SPATA2L: variants seen among roughly 807,000 people sequenced by gnomAD.
SPATA2L encodes spermatogenesis-associated protein 2-like protein.
Under a neutral mutation model 8.7 loss-of-function variants are expected in SPATA2L, and 5 were observed. That is an observed-to-expected ratio of 0.57 (90% CI 0.30 to 1.21). SPATA2L has a LOEUF of 1.21. Among genes scored for constraint, SPATA2L ranks in the 50% most tolerant of loss-of-function variants. The pLI is 0.07. For missense variants in SPATA2L, 671 were observed against 591.0 expected (o/e 1.14, Z -1.40); for synonymous variants, 358 against 275.8 (o/e 1.30, Z -2.95).
intron 2 of SPATA2L, among the ~76,000 whole-genome samples, chr16:89,700,079 G>A (rs1488541732): frequency 2.0e-5 from 3 of 152,228 alleles, no homozygotes; most frequent in Non-Finnish European, 4.4e-5. Context: ...GTCTCAGGAG[G>A]AAAGGGGCTG....
intron 2 of SPATA2L, among the ~76,000 whole-genome samples, chr16:89,700,319 G>A (rs1054632379): frequency 6.6e-6 from 1 of 152,238 alleles, no homozygotes; most frequent in East Asian, 1.9e-4. Context: ...AACCGGCGGA[G>A]GCGTAGCTCG....
Sources: allele counts gnomAD v4.1 joint callset (sites outside exome capture counted in the v4.1 genomes callset), GRCh38; gene constraint gnomAD v4.1.1; transcripts MANE v1.5; gene names NCBI Gene and HGNC (gene_info 2026-07-23, HGNC 2026-07-21).